The following ABTB3 variants were observed in gnomAD, a reference collection of about 807,000 sequenced individuals.
The protein encoded by ABTB3 is ankyrin repeat- and BTB/POZ domain-containing protein 3.
At chr12:107,437,029 G>T in the ABTB3 span, among the ~76,000 whole-genome samples, 5 of 152,044 alleles carry the variant, frequency 3.3e-5, no homozygotes, top group African/African-American at 1.2e-4. Context: ...AGGAGTAGAA[G>T]AGTCATCCTT....
chr12:107,507,625 G>T, the ABTB3 span, among the ~76,000 whole-genome samples: 2 of 152,112 alleles, frequency 1.3e-5, no homozygotes. Context: ...CCATGATCTG[G>T]CCCCTGCCCA....
At chr12:107,533,777 T>C in the ABTB3 span, among the ~76,000 whole-genome samples, 1 of 152,186 alleles carries the variant, frequency 6.6e-6, no homozygotes, top group African/African-American at 2.4e-5. Flanking sequence ...GCCAAATGGA[T>C]TTAACAGACA....
the ABTB3 span, among the ~76,000 whole-genome samples, chr12:107,517,830 C>A: frequency 4.6e-5 from 7 of 152,094 alleles, no homozygotes; most frequent in Non-Finnish European, 7.4e-5. Flanking sequence ...AACAGGCAAA[C>A]TACAGAATGG....
chr12:107,338,522 T>G, the ABTB3 span, among the ~76,000 whole-genome samples: 1 of 152,340 alleles, frequency 6.6e-6, no homozygotes, highest in South Asian at 2.1e-4. Context: ...ACATTGTTAG[T>G]GCTCAAATGT....
chr12:107,617,570 G>A, the ABTB3 span: 1 of 1,246,654 alleles, frequency 8.0e-7, no homozygotes, highest in Non-Finnish European at 1.1e-6. Flanking sequence ...CAGGCCCCAG[G>A]TCTGGCCAGA....
chr12:107,612,688 G>A, the ABTB3 span: 281 of 1,269,496 alleles, frequency 2.2e-4, 2 homozygotes, highest in Middle Eastern at 4.1e-3. Context: ...CATGGCCTCC[G>A]AAACACAAGT....
the ABTB3 span, among the ~76,000 whole-genome samples, chr12:107,647,739 T>C: frequency 6.6e-6 from 1 of 152,218 alleles, no homozygotes; most frequent in Non-Finnish European, 1.5e-5. Flanking sequence ...CTAGGCCTGT[T>C]CTATGCAGTT....
chr12:107,397,608 T>C, the ABTB3 span, among the ~76,000 whole-genome samples: 3 of 152,178 alleles, frequency 2.0e-5, no homozygotes, highest in African/African-American at 4.8e-5. Context: ...TGTTGTACAG[T>C]TTAAAATTTT....
At chr12:107,335,329 A>T in the ABTB3 span, among the ~76,000 whole-genome samples, 7 of 137,560 alleles carry the variant, frequency 5.1e-5, no homozygotes, top group Non-Finnish European at 1.1e-4. Flanking sequence ...AAAAAAAAGC[A>T]GCAGCATCGA....
chr12:107,565,638 C>T, the ABTB3 span, among the ~76,000 whole-genome samples: 1 of 152,220 alleles, frequency 6.6e-6, no homozygotes, highest in Non-Finnish European at 1.5e-5. Flanking sequence ...GCCTCCATCT[C>T]TTGGTGAGAT....
chr12:107,535,029 T>C, the ABTB3 span, among the ~76,000 whole-genome samples: 2 of 152,136 alleles, frequency 1.3e-5, no homozygotes, highest in Non-Finnish European at 2.9e-5. Flanking sequence ...TGAACATAAA[T>C]GCAAAAATCC....
chr12:107,644,797 T>G, the ABTB3 span, among the ~76,000 whole-genome samples: 2 of 152,104 alleles, frequency 1.3e-5, no homozygotes, highest in African/African-American at 4.8e-5. Context: ...TACTCAATGT[T>G]TGGCCCCCAC....
the ABTB3 span, among the ~76,000 whole-genome samples, chr12:107,546,688 A>T: frequency 2.6e-5 from 4 of 151,916 alleles, no homozygotes; most frequent in Non-Finnish European, 5.9e-5. Flanking sequence ...ACATGGTGAA[A>T]CCCCATCTCT....
the ABTB3 span, chr12:107,320,644 G>A: frequency 2.2e-6 from 1 of 456,010 alleles, no homozygotes; most frequent in Non-Finnish European, 4.4e-6. Flanking sequence ...AGGTGTGTGT[G>A]GTGAGACTGG....
chr12:107,597,252 T>A, the ABTB3 span, among the ~76,000 whole-genome samples: 3 of 152,246 alleles, frequency 2.0e-5, no homozygotes, highest in African/African-American at 7.2e-5. Flanking sequence ...GTTTCCATTC[T>A]GAGCTATTAA....
chr12:107,413,866 G>A, the ABTB3 span, among the ~76,000 whole-genome samples: 1 of 152,246 alleles, frequency 6.6e-6, no homozygotes, highest in Non-Finnish European at 1.5e-5. Flanking sequence ...AAGGCACTAG[G>A]TTAGACAAAG....
the ABTB3 span, among the ~76,000 whole-genome samples, chr12:107,644,644 G>T: frequency 6.6e-6 from 1 of 152,146 alleles, no homozygotes; most frequent in African/African-American, 2.4e-5. Flanking sequence ...AGGGGCACAC[G>T]CGCAAGTTCG....
At chr12:107,374,140 C>T in the ABTB3 span, among the ~76,000 whole-genome samples, 2 of 152,204 alleles carry the variant, frequency 1.3e-5, no homozygotes, top group Non-Finnish European at 2.9e-5. Flanking sequence ...TCCCCTCCGT[C>T]TGCCTCGGTG....
the ABTB3 span, among the ~76,000 whole-genome samples, chr12:107,367,243 T>C: frequency 1.3e-5 from 2 of 152,106 alleles, no homozygotes; most frequent in Non-Finnish European, 1.5e-5. Context: ...ACCATAGAGA[T>C]TGTGAAGTGA....
Sources: allele counts gnomAD v4.1 joint callset (sites outside exome capture counted in the v4.1 genomes callset), GRCh38; gene constraint gnomAD v4.1.1; transcripts MANE v1.5; gene names NCBI Gene and HGNC (gene_info 2026-07-23, HGNC 2026-07-21).